PDE10A: variants seen among roughly 807,000 people sequenced by gnomAD.
PDE10A encodes the protein phosphodiesterase 10A, also known as cAMP and cAMP-inhibited cGMP 3',5'-cyclic phosphodiesterase 10A.
Under a neutral mutation model 97.7 loss-of-function variants are expected in PDE10A, and 39 were observed. That is an observed-to-expected ratio of 0.40 (90% confidence interval 0.31 to 0.52). The LOEUF (loss-of-function observed/expected upper bound fraction) is 0.52, where lower values mean the gene tolerates loss of function less well. PDE10A is among the 20% of genes least tolerant of loss of function. The pLI is 0.56. For missense variants in PDE10A, 731 were observed against 1,047.8 expected, an observed-to-expected ratio of 0.70 and a Z score of 4.17; for synonymous variants, 371 against 376.8, an observed-to-expected ratio of 0.98 and a Z score of 0.18.
intron 1 of PDE10A, among the ~76,000 whole-genome samples, chr6:165,707,095 A>G (rs1426475223): frequency 6.6e-6 from 1 of 152,262 alleles, no homozygotes; most frequent in African/African-American, 2.4e-5. Context: ...AAACAGTCTC[A>G]AAATTATGGA....
chr6:165,730,307 C>T (rs1792398327), intron 1 of PDE10A, among the ~76,000 whole-genome samples: 1 of 152,142 alleles, frequency 6.6e-6, no homozygotes, highest in African/African-American at 2.4e-5. Context: ...ACTTATTCTA[C>T]CAGGCTGAAT....
intron 1 of PDE10A, among the ~76,000 whole-genome samples, chr6:165,895,811 C>T (rs531211804): frequency 5.3e-5 from 8 of 152,248 alleles, no homozygotes; most frequent in African/African-American, 1.4e-4. Flanking sequence ...ACTTTCATTC[C>T]GGGCTCCCCA....
intron 1 of PDE10A, among the ~76,000 whole-genome samples, chr6:165,926,074 A>G (rs1399907506): frequency 6.6e-6 from 1 of 152,242 alleles, no homozygotes; most frequent in Admixed American, 6.5e-5. Context: ...CTTATTCAAC[A>G]GAAAATATGC....
chr6:165,545,723 C>A lies in PDE10A; in HGVS notation c.866-2155G>T, dbSNP rs533748636. The stretch of plus-strand genomic sequence containing the variant: ...AACAAAAATGAGATTCTATTACACA[C>A]CTATTAGAATGGCTAAAATTAAAAA... On this transcript the variant is annotated intron_variant, in intron 1 of 21. Coordinates refer to ENST00000539869, the MANE Select transcript of PDE10A (RefSeq NM_001385079.1). Among the ~76,000 whole-genome samples, 4 of 152,094 alleles carry A rather than the reference C, an allele frequency of 2.6e-5. No homozygotes were observed. The East Asian group carries it at 7.7e-4, about 29-fold the overall frequency.
intron 3 of PDE10A, among the ~76,000 whole-genome samples, chr6:165,472,543 G>C (rs1197493136): frequency 6.6e-6 from 1 of 151,926 alleles, no homozygotes; most frequent in Non-Finnish European, 1.5e-5. Flanking sequence ...ATAAATAATT[G>C]TAAGGACATA....
rs1040125511 is a variant in PDE10A, at chr6:165,327,485, T to A, written c.*5540A>T. The A allele has an allele frequency of 4.6e-5, 7 of 152,250 alleles. No individual in the cohort carries two copies. The highest frequency in any genetic ancestry group is 1.0e-4 in the Non-Finnish European group (7 of 68,032). The allele number at this position is 152,250 out of a possible 1,614,324, so 9.4% of individuals were successfully genotyped here. A position where few individuals can be genotyped will look rare whatever the true frequency, so the allele number is the denominator to read the frequency against. On this transcript the variant is annotated 3_prime_UTR_variant, in exon 22 of 22. Coordinates refer to ENST00000539869, the MANE Select transcript of PDE10A (RefSeq NM_001385079.1). ...AATATAACACTCATATATGCATATATACTGGCTGTTTGAATTATGAATTTA... is the reference window on the plus strand; with the variant it reads ...AATATAACACTCATATATGCATATAAACTGGCTGTTTGAATTATGAATTTA...
At chr6:165,872,037 A>T (rs2500467) in intron 1 of PDE10A, among the ~76,000 whole-genome samples, 112,294 of 152,082 alleles carry the variant, frequency 0.74, 41,838 homozygotes, top group East Asian at 0.96. Flanking sequence ...CCTTGTTCTC[A>T]TCAGGGACTC....
intron 2 of PDE10A, among the ~76,000 whole-genome samples, chr6:165,529,675 G>A (rs576853): frequency 0.69 from 105,235 of 152,136 alleles, 39,711 homozygotes; most frequent in Non-Finnish European, 0.83. Context: ...ATCATGTTAC[G>A]TAAGATTTAC....
intron 1 of PDE10A, among the ~76,000 whole-genome samples, chr6:165,578,358 A>C: frequency 6.6e-6 from 1 of 152,130 alleles, no homozygotes; most frequent in East Asian, 1.9e-4. Context: ...AGAATCCAGA[A>C]GCACTGTTGA....
At chr6:165,729,201 CAAA>C (rs34154347) in intron 1 of PDE10A, among the ~76,000 whole-genome samples, 2 of 125,440 alleles carry the variant, frequency 1.6e-5, no homozygotes, top group Non-Finnish European at 3.3e-5. Context: ...GACTCCATCT[CAAA>C]AAAAAAAAAA....
Position 165,622,522 on chromosome 6 carries a change from G to C in PDE10A, c.865+39425C>G, listed in dbSNP as rs143239834. Among the ~76,000 whole-genome samples the C allele has an allele frequency of 1.9e-3, 294 of 152,254 alleles. 2 individuals carry two copies. The highest frequency in any genetic ancestry group is 6.9e-3 in the African/African-American group (288 of 41,556). ...CTGTAACACAATGCTAAGGATTTGT[G>C]TATCTAAACATATCTAAACATAGGA... On this transcript the variant is annotated intron_variant, in intron 1 of 21. Coordinates refer to ENST00000539869, the MANE Select transcript of PDE10A (RefSeq NM_001385079.1).
intron 2 of PDE10A, among the ~76,000 whole-genome samples, chr6:165,494,534 A>ATATATATATATT (rs1554273388): frequency 2.8e-5 from 4 of 144,334 alleles, no homozygotes; most frequent in African/African-American, 1.0e-4. Context: ...ATATATATAT[A>ATATATATATATT]TATTTATTTA....
chr6:165,668,244 A>G (rs1240758069), intron 1 of PDE10A, among the ~76,000 whole-genome samples: 1 of 152,144 alleles, frequency 6.6e-6, no homozygotes, highest in Non-Finnish European at 1.5e-5. Context: ...CATTCTGGAT[A>G]AAAAGGGTTG....
chr6:165,535,341 C>T (rs753855793), intron 2 of PDE10A, among the ~76,000 whole-genome samples: 2 of 151,554 alleles, frequency 1.3e-5, no homozygotes, highest in Non-Finnish European at 1.5e-5. Flanking sequence ...TAACCTGTAC[C>T]CATTAAGTAA....
chr6:165,426,216 T>C lies in PDE10A; in HGVS notation c.1653+2442A>G, dbSNP rs554913. On this transcript the variant is annotated intron_variant, in intron 10 of 21. Coordinates refer to ENST00000539869, the MANE Select transcript of PDE10A (RefSeq NM_001385079.1). ...TGCTACTTCTAAAATTTAAATGTAT[T>C]TGTTAGGTACCCAGAAGAGCTAAAA... 3.1e-3 allele frequency among the ~76,000 whole-genome samples: 476 copies of C among 152,250 alleles called. 6 individuals are homozygous for C. The highest frequency in any genetic ancestry group is 0.011 in the African/African-American group (443 of 41,560).
chr6:165,391,673 A>G (rs1394313525), intron 16 of PDE10A, among the ~76,000 whole-genome samples: 1 of 152,188 alleles, frequency 6.6e-6, no homozygotes, highest in Admixed American at 6.5e-5. Context: ...ATTGTTTTAA[A>G]AAAAGCAACA....
intron 1 of PDE10A, among the ~76,000 whole-genome samples, chr6:165,695,506 T>G (rs1417352629): frequency 1.3e-5 from 2 of 152,188 alleles, no homozygotes; most frequent in Non-Finnish European, 2.9e-5. Flanking sequence ...TCAGGGCTTC[T>G]CATCTTGTCC....
chr6:165,454,668 T>G (rs1777842103), intron 3 of PDE10A, among the ~76,000 whole-genome samples: 1 of 152,182 alleles, frequency 6.6e-6, no homozygotes, highest in Admixed American at 6.5e-5. Context: ...TGCAGGCACC[T>G]TGACCTTGGG....
intron 18 of PDE10A, among the ~76,000 whole-genome samples, chr6:165,356,757 T>C (rs1302846159): frequency 6.6e-6 from 1 of 152,228 alleles, no homozygotes; most frequent in African/African-American, 2.4e-5. Context: ...TTTTAAAAAA[T>C]GTTGACCACA....
Sources: allele counts gnomAD v4.1 joint callset (sites outside exome capture counted in the v4.1 genomes callset), GRCh38; gene constraint gnomAD v4.1.1; transcripts MANE v1.5; gene names NCBI Gene and HGNC (gene_info 2026-07-23, HGNC 2026-07-21).